Variants in KIF1A observed in about 807,000 individuals in gnomAD.
The protein encoded by KIF1A is kinesin-like protein KIF1A.
In KIF1A, 46 loss-of-function variants were observed where a neutral mutation model predicts 227.3. That is an observed-to-expected ratio of 0.20 (90% CI 0.16 to 0.26). The LOEUF (loss-of-function observed/expected upper bound fraction) is 0.26, where lower values mean the gene tolerates loss of function less well. Ranked by LOEUF, KIF1A falls within the 10% of genes least tolerant of loss-of-function variation. KIF1A has a pLI of 1.00. For missense variants in KIF1A, 1,683 were observed against 2,485.9 expected (o/e 0.68, Z 6.87); for synonymous variants, 1,022 against 1,012.8 (o/e 1.01, Z -0.17).
Position 240,717,140 on chromosome 2 carries a change from C to CCT in KIF1A, c.*223_*224insAG. 2 of 487,794 alleles carry CCT rather than the reference C, an allele frequency of 4.1e-6. No individual in the cohort carries two copies. The highest frequency in any genetic ancestry group is 8.1e-5 in the South Asian group (2 of 24,540). The allele number at this position is 487,794 out of a possible 1,614,324, so 30.2% of individuals were successfully genotyped here. ...CCCCCCCAGCCTCTCCCAACTTGTT[C>CCT]CACCAGAGCACATTCTGCAAGAAGA... On this transcript the variant is annotated 3_prime_UTR_variant, in exon 49 of 49. Transcript: ENST00000498729.
chr2:240,769,049 G>T, intron 17 of KIF1A, 84 bp downstream of exon 17: 1 of 1,220,980 alleles, frequency 8.2e-7, no homozygotes, highest in Non-Finnish European at 1.2e-6. Context: ...ACTTCCAGGA[G>T]CCCCCTCTGG....
At position 240,722,500 on chromosome 2, in the gene KIF1A, G is replaced by A. The variant is rs1457334989; in HGVS notation, c.4621C>T (p.Pro1541Ser). The part of the protein sequence containing the change: ...SPLSAEGRPS[P>S]LEAPNERQRE... ...TGCCTCTCGTTGGGAGCCTCCAGGG[G>A]TGATGGGCGGCCCTCAGCCGAGAGC... Residue 1541 changes from proline (P) to serine (S), a missense_variant, in exon 43 of 49, where the codon CCC becomes TCC. Physicochemically the swap from Pro to Ser is moderately conservative, Grantham distance 74 (BLOSUM62 -1). This residue lies in a region of KIF1A where 384 missense variants were observed against 410.1 expected (regional missense o/e 0.94). Transcript: ENST00000498729. 6.5e-7 allele frequency: 1 copy of A among 1,547,886 alleles called. No homozygotes were observed. The highest frequency in any genetic ancestry group is 8.7e-7 in the Non-Finnish European group (1 of 1,146,838).
At chr2:240,786,103 C>T (rs530175202) in intron 6 of KIF1A, among the ~76,000 whole-genome samples, 1 of 152,334 alleles carries the variant, frequency 6.6e-6, no homozygotes, top group Non-Finnish European at 1.5e-5. Flanking sequence ...AGGACGCAGA[C>T]CCCCATGAAG....
In KIF1A at chr2:240,760,755, T is replaced by G. The variant is rs755190059; in HGVS notation, c.2354A>C (p.Glu785Ala). 1 of 1,601,814 alleles carries G rather than the reference T, an allele frequency of 6.2e-7. No individual in the cohort carries two copies. The highest frequency in any genetic ancestry group is 8.5e-7 in the Non-Finnish European group (1 of 1,174,476). ...AATGGTGCGGGGGAAGGGCCGCGTC[T>G]CTCGGTCTTTGGCGGCCTCTGGGGG... is the stretch of plus-strand genomic sequence containing the variant. ...LLPPEAAKDRETRPFPRTIVA... is the reference protein window; with the variant it reads ...LLPPEAAKDRATRPFPRTIVA... The change falls in exon 25 of 49, where the codon GAG (glutamate) becomes GCG (alanine). Residue 785 changes from glutamate to alanine, a missense_variant. Transcript: ENST00000498729.
At chr2:240,765,818 AGAG>A (rs767831299) in intron 19 of KIF1A, 25 bp from the exon 20 acceptor site, 3 of 1,583,136 alleles carry the variant, frequency 1.9e-6, no homozygotes, top group South Asian at 1.1e-5. Context: ...GGAGGGGCAG[AGAG>A]GAGGACTATG....
chr2:240,728,547 G>T, intron 38 of KIF1A: 1 of 514,586 alleles, frequency 1.9e-6, no homozygotes. Context: ...ACGGCCCCCA[G>T]GCTCTCGCTG....
intron 2 of KIF1A, among the ~76,000 whole-genome samples, chr2:240,791,511 T>G (rs1054871812): frequency 4.7e-4 from 19 of 40,280 alleles, no homozygotes; most frequent in African/African-American, 1.5e-3. Context: ...CCCACACCCC[T>G]TCCTGCCCCA....
At position 240,757,738 on chromosome 2, in the gene KIF1A, G is replaced by A; in HGVS notation, c.2583-144C>T. ...TCGAGAATGCTGCTTTAAAAGATGA[G>A]AGAACCAAAACTGTGCCCCCAGGCT... On this transcript the variant is annotated intron_variant, in intron 26 of 48. Transcript: ENST00000498729. The surrounding 1 kb of genome is among the most constrained non-coding windows in gnomAD (Gnocchi z 6.2). The A allele has an allele frequency of 2.5e-6, 2 of 813,948 alleles. No homozygotes were observed. The highest frequency in any genetic ancestry group is 3.7e-5 in the South Asian group (2 of 54,514). The allele number at this position is 813,948 out of a possible 1,614,324, so 50.4% of individuals were successfully genotyped here. A position where few individuals can be genotyped will look rare whatever the true frequency, so the allele number is the denominator to read the frequency against.
intron 7 of KIF1A, among the ~76,000 whole-genome samples, chr2:240,784,353 G>A (rs985833960): frequency 6.6e-6 from 1 of 152,152 alleles, no homozygotes; most frequent in Non-Finnish European, 1.5e-5. Context: ...GGCAGGACTT[G>A]CCCACGGACA....
chr2:240,743,809 G>T (rs964263587), intron 33 of KIF1A, 133 bp downstream of exon 33: 7 of 617,964 alleles, frequency 1.1e-5, no homozygotes, highest in South Asian at 2.1e-5. Flanking sequence ...TGGGCAAAAG[G>T]CCTCCTGGAT....
At chr2:240,797,102 C>T (rs996735771) in intron 2 of KIF1A, among the ~76,000 whole-genome samples, 5 of 152,210 alleles carry the variant, frequency 3.3e-5, no homozygotes, top group Admixed American at 6.5e-5. Flanking sequence ...CAAACTGCCC[C>T]GCTGAGCCCA....
chr2:240,728,618 C>G (rs557008809), intron 38 of KIF1A, among the ~76,000 whole-genome samples: 20 of 152,358 alleles, frequency 1.3e-4, no homozygotes, highest in Admixed American at 1.3e-4. Flanking sequence ...GCAGACACCC[C>G]CTTCCCTGGG....
At position 240,736,164 on chromosome 2, in the gene KIF1A, C is replaced by G. The variant is rs754727041; in HGVS notation, c.4007+899G>C. Among the ~76,000 whole-genome samples the G allele has an allele frequency of 2.0e-5, 3 of 152,168 alleles. No homozygotes were observed. Among genetic ancestry groups the G allele is most frequent in the Admixed American group, 6.5e-5 (1 of 15,286 alleles). On this transcript the variant is annotated intron_variant, in intron 38 of 48. Transcript: ENST00000498729. This position sits in a 1 kb window ranked among gnomAD's most constrained non-coding sequence, Gnocchi z 4.7. ...ATAGGAGACGACGCCCGCCAGGACC[C>G]TCCTTCCTTATGACCCTGACCCTCC... is the stretch of plus-strand genomic sequence containing the variant.
At chr2:240,785,156 T>C (rs1485071430) in intron 6 of KIF1A, 56 bp from the exon 7 acceptor site, 1 of 1,410,826 alleles carries the variant, frequency 7.1e-7, no homozygotes, top group Non-Finnish European at 9.9e-7. Context: ...GGGTGCGAGA[T>C]CGCCGGTGGT....
intron 10 of KIF1A, among the ~76,000 whole-genome samples, chr2:240,777,748 C>T (rs908213991): frequency 1.4e-4 from 21 of 152,342 alleles, no homozygotes; most frequent in African/African-American, 2.4e-4. Context: ...CCTGACAAGC[C>T]GGGAGGGACC....
rs937874935 is a variant in KIF1A, at chr2:240,757,851, G to A, written c.2583-257C>T. Among the ~76,000 whole-genome samples the A allele has an allele frequency of 4.6e-5, 7 of 152,216 alleles. No homozygotes were observed. The highest frequency in any genetic ancestry group is 1.7e-4 in the African/African-American group (7 of 41,448). ...GGTGGGACTGAGAACAGGGGTCTCG[G>A]CTGGGAGTGGCTGAGGCCATATGAG... On this transcript the variant is annotated intron_variant, in intron 26 of 48. Coordinates refer to ENST00000498729, the MANE Select transcript of KIF1A (RefSeq NM_001244008.2). This position sits in a 1 kb window ranked among gnomAD's most constrained non-coding sequence, Gnocchi z 6.2.
At chr2:240,732,311 G>A (rs557033428) in intron 38 of KIF1A, among the ~76,000 whole-genome samples, 193 of 138,674 alleles carry the variant, frequency 1.4e-3, no homozygotes, top group Non-Finnish European at 2.5e-3. Context: ...ATGAGGGGAG[G>A]AGGGGATGAG....
At chr2:240,748,513 G>A (rs1295996303) in intron 28 of KIF1A, among the ~76,000 whole-genome samples, 2 of 151,862 alleles carry the variant, frequency 1.3e-5, no homozygotes, top group Non-Finnish European at 2.9e-5. Context: ...GGATGGCTCC[G>A]CTCAGCCATC....
intron 6 of KIF1A, 35 bp from the exon 7 acceptor site, chr2:240,785,135 G>A (rs774177051): frequency 3.2e-6 from 5 of 1,552,612 alleles, no homozygotes; most frequent in East Asian, 4.5e-5. Context: ...GTTACCCCTC[G>A]TCCTGTGGCC....
Sources: gnomAD v4.1 joint callset for allele counts (sites outside exome capture counted in the v4.1 genomes callset) on GRCh38, gnomAD v4.1.1 for gene constraint, gnomAD v4.1.1 regional missense constraint, Gnocchi (gnomAD v3.1) non-coding constraint, MANE v1.5 for transcripts, NCBI Gene and HGNC (gene_info 2026-07-23, HGNC 2026-07-21) for gene names.